The following ZNF564 variants were observed in gnomAD, a reference collection of about 807,000 sequenced individuals.
The protein encoded by ZNF564 is zinc finger protein 564.
A neutral mutation model predicts 10.5 loss-of-function variants in ZNF564; 5 were observed. The ratio of observed to expected loss-of-function variants is 0.48; its 90% CI spans 0.25 to 1.00. ZNF564 has a LOEUF of 1.00. ZNF564 is among the 50% of genes least tolerant of loss of function. The pLI is 0.16. For synonymous variants in ZNF564, 242 were observed against 218.1 expected (o/e 1.11, Z -0.97); for missense variants, 603 against 669.7 (o/e 0.90, Z 1.10).
Position 12,526,857 on chromosome 19 carries a change from T to C in ZNF564, c.1251A>G (p.Gly417=), listed in dbSNP as rs1324759874. 1.2e-6 allele frequency: 2 copies of C among 1,614,084 alleles called. No individual in the cohort carries two copies. The highest frequency in any genetic ancestry group is 1.1e-5 in the South Asian group (1 of 91,070). ...ATACCTGACATTCATAGGGTTTCTCTCCAGTGTGAGTTCTTTCGTGTATTT... is the reference window on the plus strand; with the variant it reads ...ATACCTGACATTCATAGGGTTTCTCCCCAGTGTGAGTTCTTTCGTGTATTT... The part of the protein sequence containing the change: ...SFQIHERTHT[G]EKPYECQVCG... The change falls in exon 4 of 4, where the codon GGA becomes GGG. Residue 417 remains glycine, a synonymous_variant. Transcript: ENST00000339282.
chr19:12,536,232 A>G (rs2021910246), intron 1 of ZNF564, among the ~76,000 whole-genome samples: 1 of 152,136 alleles, frequency 6.6e-6, no homozygotes, highest in African/African-American at 2.4e-5. Context: ...ATTGGAGTGC[A>G]GTGGTATGAT....
intron 1 of ZNF564, 66 bp from the exon 2 acceptor site, chr19:12,528,762 A>G (rs2145065302): frequency 6.5e-7 from 1 of 1,531,206 alleles, no homozygotes; most frequent in Non-Finnish European, 8.8e-7. Flanking sequence ...TGTAAACCCA[A>G]TTCATAAAAG....
At position 12,551,482 on chromosome 19, in the gene ZNF564, C is replaced by T; in HGVS notation, c.-150G>A. On this transcript the variant is annotated 5_prime_UTR_variant, in exon 1 of 4. Transcript: ENST00000339282. The stretch of plus-strand genomic sequence containing the variant: ...ACGCAGCGGACACGAAACAGGAAGA[C>T]CCCGCGGAGTTGTTGAACATTGCCC... 1.4e-6 allele frequency: 2 copies of T among 1,393,568 alleles called. No homozygotes were observed. The highest frequency in any genetic ancestry group is 1.5e-5 in the South Asian group (1 of 66,398). The allele number at this position is 1,393,568 out of a possible 1,614,324, so 86.3% of individuals were successfully genotyped here.
At chr19:12,549,799 G>A (rs2022218349) in intron 1 of ZNF564, among the ~76,000 whole-genome samples, 1 of 152,194 alleles carries the variant, frequency 6.6e-6, no homozygotes. Flanking sequence ...TGACCCAGGG[G>A]TTGATAATCA....
chr19:12,527,880 T>C lies in ZNF564; in HGVS notation c.228A>G (p.Glu76=), dbSNP rs2145064238. ...HMEEGLSESK[E]YDQCGEAFSQ... ...TGAAGGCTTCTCCACATTGATCATA[T>C]TCTTTACTTTCACTGAGTCCCTCTT... The change falls in exon 4 of 4, where the codon GAA becomes GAG. Residue 76 remains glutamate (E), a synonymous_variant. Transcript: ENST00000339282. The C allele has an allele frequency of 6.2e-7, 1 of 1,610,438 alleles. No individual in the cohort carries two copies.
intron 1 of ZNF564, among the ~76,000 whole-genome samples, chr19:12,539,944 G>T (rs773309368): frequency 1.7e-4 from 26 of 150,440 alleles, no homozygotes; most frequent in Non-Finnish European, 2.2e-4. Context: ...TCGCGCCACT[G>T]CACTCCAGCC....
At chr19:12,540,649 TCG>T (rs1248960128) in intron 1 of ZNF564, among the ~76,000 whole-genome samples, 1 of 152,086 alleles carries the variant, frequency 6.6e-6, no homozygotes, top group East Asian at 1.9e-4. Flanking sequence ...AGTCAGGAGA[TCG>T]CCACCATCCT....
Position 12,526,893 on chromosome 19 carries a change from G to C in ZNF564, c.1215C>G (p.Pro405=). ...TTCTTTCGTGTATTTGAAATGAACT[G>C]GGACAGTCAAAGGCTCTACCACATA... ...CQVCGRAFDC[P]SSFQIHERTH... is the part of the protein sequence containing the mutation. Residue 405 remains proline (P), a synonymous_variant, in exon 4 of 4, where the codon CCC becomes CCG. Coordinates refer to ENST00000339282, the MANE Select transcript of ZNF564 (RefSeq NM_144976.4). 6.2e-7 allele frequency: 1 copy of C among 1,609,656 alleles called. No individual in the cohort carries two copies. Among genetic ancestry groups the C allele is most frequent in the African/African-American group, 1.4e-5 (1 of 73,700 alleles).
chr19:12,542,999 C>T (rs1410275417), intron 1 of ZNF564, among the ~76,000 whole-genome samples: 1 of 148,370 alleles, frequency 6.7e-6, no homozygotes, highest in Non-Finnish European at 1.5e-5. Context: ...AGAAACTCCA[C>T]CACAAAAAAG....
In ZNF564 at chr19:12,526,751, C is replaced by T. The variant is rs2021692472; in HGVS notation, c.1357G>A (p.Val453Ile). 1 of 1,614,158 alleles carries T rather than the reference C, an allele frequency of 6.2e-7. No individual in the cohort carries two copies. The highest frequency in any genetic ancestry group is 1.3e-5 in the African/African-American group (1 of 75,036). ...GGACAGTCAAAGGCTTTACCACATACCTGACATTTATAAGGTCCATCTCCA... is the reference window on the plus strand; with the variant it reads ...GGACAGTCAAAGGCTTTACCACATATCTGACATTTATAAGGTCCATCTCCA... ...HTGDGPYKCQ[V>I]CGKAFDCPSS... Residue 453 changes from valine (V) to isoleucine (I), a missense_variant, in exon 4 of 4, where the codon GTA becomes ATA. Transcript: ENST00000339282.
chr19:12,527,018 G>C lies in ZNF564; in HGVS notation c.1090C>G (p.Pro364Ala). 6.2e-7 allele frequency: 1 copy of C among 1,614,044 alleles called. No individual in the cohort carries two copies. The highest frequency in any genetic ancestry group is 1.1e-5 in the South Asian group (1 of 91,076). The change falls in exon 4 of 4, where the codon CCC becomes GCC. Residue 364 changes from proline (P) to alanine (A), a missense_variant. Transcript: ENST00000339282. ...THERTHTGEK[P>A]YECKECGKAF... ...TTCCCGCATTCCTTACATTCATAGG[G>C]CTTCTCTCCAGTGTGAGTCCTTTCA...
intron 1 of ZNF564, among the ~76,000 whole-genome samples, chr19:12,540,518 G>A (rs192215450): frequency 1.1e-4 from 17 of 152,158 alleles, no homozygotes; most frequent in Middle Eastern, 6.8e-3. Context: ...TCAGGAGTTC[G>A]AGACCAGTCT....
rs188730901 is a variant in ZNF564, at chr19:12,528,672, C to T, written c.28G>A (p.Ala10Thr). 1 of 1,612,822 alleles carries T rather than the reference C, an allele frequency of 6.2e-7. No homozygotes were observed. The highest frequency in any genetic ancestry group is 2.2e-5 in the East Asian group (1 of 44,874). ...CACTCCTCAAGTGTGAAGTTCACAG[C>T]CACATCCTCAGAGGCCACTGAGTCC... MDSVASEDV[A>T]VNFTLEEWAL... The change falls in exon 2 of 4, where the codon GCT (alanine) becomes ACT (threonine). Residue 10 changes from alanine to threonine, a missense_variant. Coordinates refer to ENST00000339282, the MANE Select transcript of ZNF564 (RefSeq NM_144976.4).
rs373811127 is a variant in ZNF564, at chr19:12,551,377, C to G, written c.-45G>C. The G allele has an allele frequency of 8.2e-6, 13 of 1,579,278 alleles. No homozygotes were observed. The highest frequency in any genetic ancestry group is 1.1e-5 in the Non-Finnish European group (13 of 1,163,152). ...CCCGGGGTCCTGCCTACGGCTCTCT[C>G]CGGCCTGTGCAGGTCCCAGCGCGCC... On this transcript the variant is annotated 5_prime_UTR_variant, in exon 1 of 4. Transcript: ENST00000339282.
intron 3 of ZNF564, 118 bp from the exon 4 acceptor site, chr19:12,528,034 G>A: frequency 8.6e-7 from 1 of 1,157,430 alleles, no homozygotes; most frequent in South Asian, 1.6e-5. Context: ...TGTATGAATT[G>A]TTTGAAAGTG....
chr19:12,541,504 C>G (rs781212543), intron 1 of ZNF564: 1 of 150,838 alleles, frequency 6.6e-6, no homozygotes, highest in East Asian at 2.0e-4. Context: ...GAGCCAAAAT[C>G]GCGCCACTAG....
Position 12,527,393 on chromosome 19 carries a change from T to G in ZNF564, c.715A>C (p.Ser239Arg). 1 of 1,614,124 alleles carries G rather than the reference T, an allele frequency of 6.2e-7. No individual in the cohort carries two copies. The change falls in exon 4 of 4, where the codon AGT becomes CGT. Residue 239 changes from serine to arginine, a missense_variant. Transcript: ENST00000339282. Reference sequence around the variant, plus strand: ...TGCCTAATCATGTGTCTTTGAAAACTTGGAAGAGAAATGAAAGCTTTTGCA... The same window carrying G: ...TGCCTAATCATGTGTCTTTGAAAACGTGGAAGAGAAATGAAAGCTTTTGCA... ...ECAKAFISLP[S>R]FQRHMIRHTG...
chr19:12,526,698 A>C lies in ZNF564; in HGVS notation c.1410T>G (p.Thr470=), dbSNP rs765032295. The part of the protein sequence containing the change: ...CPSSVRTHER[T]HTGEKPYECK... The stretch of plus-strand genomic sequence containing the variant: ...ATTCATAGGGTTTTTCTCCAGTATG[A>C]GTTCTTTCATGTGTTCGGACAGAAC... The change falls in exon 4 of 4, where the codon ACT becomes ACG. Residue 470 remains threonine (T), a synonymous_variant. Coordinates refer to ENST00000339282, the MANE Select transcript of ZNF564 (RefSeq NM_144976.4). 1.2e-6 allele frequency: 2 copies of C among 1,614,192 alleles called. No individual in the cohort carries two copies. Among genetic ancestry groups the C allele is most frequent in the Non-Finnish European group, 1.7e-6 (2 of 1,180,050 alleles).
At chr19:12,528,107 A>G (rs1203988122) in intron 3 of ZNF564, among the ~76,000 whole-genome samples, 191 bp from the exon 4 acceptor site, 1 of 152,176 alleles carries the variant, frequency 6.6e-6, no homozygotes, top group Admixed American at 6.6e-5. Context: ...TGATATCCAT[A>G]TATACAGTTT....
Sources: gnomAD v4.1 joint callset for allele counts (sites outside exome capture counted in the v4.1 genomes callset) on GRCh38, gnomAD v4.1.1 for gene constraint, MANE v1.5 for transcripts, NCBI Gene and HGNC (gene_info 2026-07-23, HGNC 2026-07-21) for gene names.